The following GRIK1 variants were observed in gnomAD, a reference collection of about 807,000 sequenced individuals.
GRIK1 encodes the protein glutamate ionotropic receptor kainate type subunit 1, also known as glutamate receptor ionotropic, kainate 1.
A neutral mutation model predicts 105.7 loss-of-function variants in GRIK1; 69 were observed. That is an observed-to-expected ratio of 0.65 (90% CI 0.54 to 0.80). The LOEUF (loss-of-function observed/expected upper bound fraction) is 0.80, where lower values mean the gene tolerates loss of function less well. Ranked by LOEUF, GRIK1 falls within the 30% of genes least tolerant of loss-of-function variation. GRIK1 has a pLI of 0.00. For synonymous variants in GRIK1, 438 were observed against 431.3 expected, an observed-to-expected ratio of 1.02 and a Z score of -0.19; for missense variants, 1,109 against 1,167.3, an observed-to-expected ratio of 0.95 and a Z score of 0.73.
At chr21:29,794,908 A>G (rs911358064) in intron 1 of GRIK1, among the ~76,000 whole-genome samples, 4 of 152,028 alleles carry the variant, frequency 2.6e-5, no homozygotes, top group Admixed American at 2.6e-4. Context: ...ATCCCAAATG[A>G]CAGCATTTTT....
At chr21:29,794,446 T>C (rs1164783891) in intron 1 of GRIK1, among the ~76,000 whole-genome samples, 1 of 152,198 alleles carries the variant, frequency 6.6e-6, no homozygotes, top group African/African-American at 2.4e-5. Flanking sequence ...AACCTTAAAA[T>C]ACTACTTGAG....
intron 1 of GRIK1, among the ~76,000 whole-genome samples, chr21:29,847,737 C>T (rs2068166974): frequency 6.6e-6 from 1 of 152,224 alleles, no homozygotes; most frequent in East Asian, 1.9e-4. Context: ...ATTATCATTG[C>T]ATTCTCTGTA....
chr21:29,663,279 T>A (rs2063001295), intron 4 of GRIK1, among the ~76,000 whole-genome samples: 1 of 152,176 alleles, frequency 6.6e-6, no homozygotes. Context: ...ATATGGTTAT[T>A]TAAGACCAAA....
intron 1 of GRIK1, among the ~76,000 whole-genome samples, chr21:29,765,925 C>T (rs920441379): frequency 2.6e-5 from 4 of 151,888 alleles, no homozygotes; most frequent in Admixed American, 2.6e-4. Flanking sequence ...GATCTCGGCT[C>T]ATTGCAAGTT....
intron 1 of GRIK1, among the ~76,000 whole-genome samples, chr21:29,814,119 T>C (rs2067087807): frequency 6.9e-6 from 1 of 145,724 alleles, no homozygotes; most frequent in African/African-American, 2.5e-5. Flanking sequence ...TAATAATTAT[T>C]ATTTTTTTTT....
rs547961662 is a variant in GRIK1 at position 29,568,921 on chromosome 21, A to G, written c.2131-7072T>C. ...AGCTGAATTAAACTGAATTAAACTG[A>G]ATTGCCTCACTCTGTTTCTTGTCTG... On this transcript the variant is annotated intron_variant, in intron 14 of 17. Transcript: ENST00000327783. Among the ~76,000 whole-genome samples the G allele has an allele frequency of 6.6e-5, 10 of 152,328 alleles. 1 individual carries two copies. In the South Asian group the frequency reaches 2.1e-3, roughly 32 times the overall value.
intron 3 of GRIK1, among the ~76,000 whole-genome samples, chr21:29,687,332 T>C (rs1263683086): frequency 6.6e-6 from 1 of 152,148 alleles, no homozygotes; most frequent in African/African-American, 2.4e-5. Flanking sequence ...TTCCTTTAGG[T>C]TTACTAAGTT....
intron 1 of GRIK1, among the ~76,000 whole-genome samples, chr21:29,930,086 G>T (rs950142934): frequency 1.3e-5 from 2 of 152,160 alleles, no homozygotes; most frequent in Non-Finnish European, 2.9e-5. Context: ...ACATTTAGAT[G>T]ATTCACAATC....
chr21:29,676,899 T>C (rs915960291), intron 3 of GRIK1, among the ~76,000 whole-genome samples: 2 of 152,190 alleles, frequency 1.3e-5, no homozygotes, highest in African/African-American at 4.8e-5. Context: ...AGCAAACATA[T>C]ATTATTATTT....
chr21:29,637,692 T>TG (rs1249568041), intron 7 of GRIK1, among the ~76,000 whole-genome samples: 2 of 152,182 alleles, frequency 1.3e-5, no homozygotes, highest in Admixed American at 1.3e-4. Context: ...ACCTTGATAG[T>TG]GGACTTCCCA....
intron 7 of GRIK1, among the ~76,000 whole-genome samples, chr21:29,616,809 A>G (rs1218097924): frequency 6.6e-6 from 1 of 152,256 alleles, no homozygotes; most frequent in Non-Finnish European, 1.5e-5. Context: ...CCATACTTCA[A>G]AGATGTCGCT....
intron 16 of GRIK1, among the ~76,000 whole-genome samples, chr21:29,554,163 T>G (rs1037363116): frequency 6.6e-6 from 1 of 152,124 alleles, no homozygotes; most frequent in African/African-American, 2.4e-5. Flanking sequence ...ATGGGACACT[T>G]TGTTCAAAAA....
chr21:29,562,923 C>T (rs940558085), intron 14 of GRIK1, among the ~76,000 whole-genome samples: 2 of 145,466 alleles, frequency 1.4e-5, no homozygotes, highest in African/African-American at 5.1e-5. Flanking sequence ...TTTCATATTA[C>T]TTAAATATGA....
In GRIK1 at chr21:29,935,103, T is replaced by C. The variant is rs187386088; in HGVS notation, c.118+4280A>G. On this transcript the variant is annotated intron_variant, in intron 1 of 17. Coordinates refer to ENST00000327783, the MANE Select transcript of GRIK1 (RefSeq NM_001330994.2). ...TAAACACAGGCAACTCTCCTCTGAG[T>C]TTCTTCCAGGTTTGGCATCATGCAC... Among the ~76,000 whole-genome samples, 252 of 152,114 alleles carry C rather than the reference T, an allele frequency of 1.7e-3. 2 individuals carry two copies. The highest frequency in any genetic ancestry group is 0.011 in the South Asian group (54 of 4,810).
At chr21:29,755,281 G>C (rs1264966040) in intron 1 of GRIK1, among the ~76,000 whole-genome samples, 3 of 152,172 alleles carry the variant, frequency 2.0e-5, no homozygotes, top group African/African-American at 7.2e-5. Context: ...AGAAAGCCTA[G>C]CCTTGAGGAA....
rs543190265 is a variant in GRIK1, at chr21:29,699,727, C to A, written c.119-5664G>T. On this transcript the variant is annotated intron_variant, in intron 1 of 17. Transcript: ENST00000327783. The stretch of plus-strand genomic sequence containing the variant: ...GCATTGGCGCAATCTCGGCTCACTG[C>A]AACCTCCAGCTCCCGGGTTCAAGAA... Among the ~76,000 whole-genome samples, 464 of 151,862 alleles carry A rather than the reference C, an allele frequency of 3.1e-3. 1 individual carries two copies. Among genetic ancestry groups the A allele is most frequent in the Non-Finnish European group, 4.9e-3 (336 of 67,994 alleles).
chr21:29,814,080 A>AAC (rs1555892601), intron 1 of GRIK1, among the ~76,000 whole-genome samples: 2 of 146,934 alleles, frequency 1.4e-5, no homozygotes, highest in Non-Finnish European at 3.0e-5. Flanking sequence ...ACACCTGGCT[A>AAC]ATATATATAT....
chr21:29,919,602 TC>T (rs1350319635), intron 1 of GRIK1, among the ~76,000 whole-genome samples: 1 of 152,110 alleles, frequency 6.6e-6, no homozygotes, highest in Non-Finnish European at 1.5e-5. Context: ...AAGGTAGCAC[TC>T]CCTAAATGAC....
rs1369547632 is a variant in GRIK1, at chr21:29,748,492, C to T, written c.119-54429G>A. ...CTGTAGAAATAACCCAAATGCATGG[C>T]TCCTTTTATTTCCACAAATTTGGCC... On this transcript the variant is annotated intron_variant, in intron 1 of 17. Transcript: ENST00000327783. Among the ~76,000 whole-genome samples, 8 of 152,308 alleles carry T rather than the reference C, an allele frequency of 5.3e-5. No homozygotes were observed. In the East Asian group the frequency reaches 1.5e-3, roughly 29 times the overall value.
Sources: allele counts gnomAD v4.1 joint callset (sites outside exome capture counted in the v4.1 genomes callset), GRCh38; gene constraint gnomAD v4.1.1; transcripts MANE v1.5; gene names NCBI Gene and HGNC (gene_info 2026-07-23, HGNC 2026-07-21).